The following USP34 variants were observed in gnomAD, a reference collection of about 807,000 sequenced individuals.
USP34 encodes ubiquitin specific peptidase 34, also known as ubiquitin carboxyl-terminal hydrolase 34.
A neutral mutation model predicts 460.3 loss-of-function variants in USP34; 70 were observed. The observed-to-expected ratio is 0.15, with a 90% CI of 0.13 to 0.19. The LOEUF is 0.19. USP34 is among the 10% of genes least tolerant of loss of function. USP34 has a pLI of 1.00. For synonymous variants in USP34, 1,647 were observed against 1,405.3 expected, an observed-to-expected ratio of 1.17 and a Z score of -3.85; for missense variants, 3,985 against 4,236.2, an observed-to-expected ratio of 0.94 and a Z score of 1.65.
At chr2:61,214,033 A>T in intron 68 of USP34, 27 bp downstream of exon 68, 1 of 1,611,950 alleles carries the variant, frequency 6.2e-7, no homozygotes, top group Non-Finnish European at 8.5e-7. Flanking sequence ...TTGAGGATAC[A>T]GATAAAAGAG....
At chr2:61,208,867 A>G in intron 70 of USP34, 32 bp downstream of exon 70, 1 of 1,462,822 alleles carries the variant, frequency 6.8e-7, no homozygotes, top group South Asian at 1.3e-5. Context: ...AAATGAGATA[A>G]TATCCACAGT....
intron 76 of USP34, 75 bp downstream of exon 76, chr2:61,192,826 C>A: frequency 1.6e-6 from 2 of 1,269,786 alleles, no homozygotes; most frequent in South Asian, 1.4e-5. Context: ...AGTCTTCAAC[C>A]CACTGTTCCT....
chr2:61,298,821 C>A (rs1277009928), intron 29 of USP34, among the ~76,000 whole-genome samples: 1 of 151,722 alleles, frequency 6.6e-6, no homozygotes, highest in Non-Finnish European at 1.5e-5. Flanking sequence ...ATACAAGTTA[C>A]AGTCTACCTT....
intron 51 of USP34, among the ~76,000 whole-genome samples, chr2:61,243,966 C>T (rs945343947): frequency 6.6e-6 from 1 of 151,674 alleles, no homozygotes; most frequent in Admixed American, 6.6e-5. Context: ...CCCTATTCTA[C>T]CCATTTCTAA....
intron 41 of USP34, among the ~76,000 whole-genome samples, chr2:61,277,399 G>A (rs1246907761): frequency 6.6e-6 from 1 of 151,966 alleles, no homozygotes; most frequent in African/African-American, 2.4e-5. Context: ...ACCACACCCA[G>A]CAAATTTTTG....
intron 27 of USP34, among the ~76,000 whole-genome samples, chr2:61,304,516 A>G (rs373363384): frequency 5.9e-5 from 9 of 152,232 alleles, no homozygotes; most frequent in African/African-American, 2.2e-4. Context: ...AGGTTATTAG[A>G]TATCAGGCAG....
chr2:61,404,381 C>G (rs1693807582), intron 3 of USP34, among the ~76,000 whole-genome samples: 1 of 152,128 alleles, frequency 6.6e-6, no homozygotes, highest in Non-Finnish European at 1.5e-5. Flanking sequence ...CTCTCCTCCC[C>G]CCAGCAATGG....
In USP34 at chr2:61,280,140, A is replaced by G. The variant is rs1689491126; in HGVS notation, c.5256+104T>C. 4 of 607,608 alleles carry G rather than the reference A, an allele frequency of 6.6e-6. No individual in the cohort carries two copies. The South Asian group carries it at 1.6e-4, about 24-fold the overall frequency. The allele number at this position is 607,608 out of a possible 1,614,324, so 37.6% of individuals were successfully genotyped here. On this transcript the variant is annotated intron_variant, in intron 39 of 79. Transcript: ENST00000398571. ...ATAGGACACCACCACCAAGTTATAG[A>G]TTAATGAAGTACACTTAATAACCAA... is the stretch of plus-strand genomic sequence containing the variant.
At chr2:61,336,010 A>G (rs948376185) in intron 18 of USP34, among the ~76,000 whole-genome samples, 2 of 152,200 alleles carry the variant, frequency 1.3e-5, no homozygotes, top group African/African-American at 2.4e-5. Flanking sequence ...CTAGGACTCC[A>G]TATTTTAAAG....
chr2:61,353,394 GTT>G (rs1028464455), intron 10 of USP34, among the ~76,000 whole-genome samples: 5 of 135,274 alleles, frequency 3.7e-5, no homozygotes, highest in Admixed American at 7.0e-5. Context: ...CTAGACGAAT[GTT>G]TTTTTTTTTT....
At chr2:61,213,246 C>A (rs1687318112) in intron 68 of USP34, among the ~76,000 whole-genome samples, 1 of 152,102 alleles carries the variant, frequency 6.6e-6, no homozygotes, top group African/African-American at 2.4e-5. Flanking sequence ...AACTGCTGGG[C>A]TCGAGTGATC....
At chr2:61,380,448 C>T (rs1692936862) in intron 6 of USP34, 87 bp from the exon 7 acceptor site, 9 of 1,360,238 alleles carry the variant, frequency 6.6e-6, no homozygotes, top group Non-Finnish European at 8.9e-6. Flanking sequence ...ACATTGTAAG[C>T]ATTAACATTT....
At chr2:61,442,896 TGTACACACACACACAC>T (rs1176695302) in intron 1 of USP34, among the ~76,000 whole-genome samples, 1 of 78,718 alleles carries the variant, frequency 1.3e-5, no homozygotes, top group African/African-American at 4.9e-5. Context: ...ATGTGATGTG[TGTACACACACACACAC>T]ACACACACAC....
intron 20 of USP34, among the ~76,000 whole-genome samples, chr2:61,329,214 C>T (rs1025335474): frequency 3.3e-5 from 5 of 151,620 alleles, no homozygotes; most frequent in South Asian, 4.2e-4. Flanking sequence ...TTAGTAAAGA[C>T]GACGTTTCTC....
At chr2:61,268,227 G>T (rs1241559462) in intron 41 of USP34, among the ~76,000 whole-genome samples, 1 of 151,838 alleles carries the variant, frequency 6.6e-6, no homozygotes. Flanking sequence ...TTAGGCTGCT[G>T]TAATAAAATA....
At chr2:61,341,614 C>T (rs1015774192) in intron 16 of USP34, among the ~76,000 whole-genome samples, 47 of 152,130 alleles carry the variant, frequency 3.1e-4, no homozygotes, top group Admixed American at 1.0e-3. Context: ...CCCTGCTCCC[C>T]CTTCACATTC....
intron 43 of USP34, among the ~76,000 whole-genome samples, chr2:61,264,385 C>T (rs1454705108): frequency 6.6e-6 from 1 of 152,114 alleles, no homozygotes; most frequent in African/African-American, 2.4e-5. Context: ...CCAATAATCC[C>T]AGTACTTTGG....
chr2:61,346,831 CAA>C (rs776311612), intron 15 of USP34, among the ~76,000 whole-genome samples: 28 of 29,796 alleles, frequency 9.4e-4, no homozygotes, highest in African/African-American at 3.3e-3. Context: ...GATTCCAACT[CAA>C]AAAAAAAAAA....
chr2:61,357,114 G>A (rs1041856445), intron 10 of USP34, among the ~76,000 whole-genome samples: 6 of 152,162 alleles, frequency 3.9e-5, no homozygotes, highest in African/African-American at 1.4e-4. Flanking sequence ...GGCATACACA[G>A]AACACTCCAA....
Sources: gnomAD v4.1 joint callset for allele counts (sites outside exome capture counted in the v4.1 genomes callset) on GRCh38, gnomAD v4.1.1 for gene constraint, MANE v1.5 for transcripts, NCBI Gene and HGNC (gene_info 2026-07-23, HGNC 2026-07-21) for gene names.